GRM1: variants seen among roughly 807,000 people sequenced by gnomAD.
The protein encoded by GRM1 is metabotropic glutamate receptor 1.
In GRM1, 33 loss-of-function variants were observed where a neutral mutation model predicts 90.9. The ratio of observed to expected loss-of-function variants is 0.36; its 90% CI spans 0.28 to 0.49. The LOEUF (loss-of-function observed/expected upper bound fraction) is 0.49, where lower values mean the gene tolerates loss of function less well. GRM1 is among the 20% of genes least tolerant of loss of function. GRM1 has a pLI of 0.99. For missense variants in GRM1, 1,190 were observed against 1,534.3 expected, an observed-to-expected ratio of 0.78 and a Z score of 3.75; for synonymous variants, 700 against 613.2, an observed-to-expected ratio of 1.14 and a Z score of -2.09.
chr6:146,172,448 A>G (rs1583109277), intron 2 of GRM1, among the ~76,000 whole-genome samples: 1 of 152,312 alleles, frequency 6.6e-6, no homozygotes, highest in East Asian at 1.9e-4. Flanking sequence ...GAATGTATTC[A>G]CTGGTTCCAG....
intron 3 of GRM1, among the ~76,000 whole-genome samples, chr6:146,328,707 A>G (rs1784483089): frequency 6.6e-6 from 1 of 152,150 alleles, no homozygotes; most frequent in South Asian, 2.1e-4. Flanking sequence ...GATATTTGTC[A>G]TAAGGTTCCC....
chr6:146,078,676 A>G lies in GRM1; in HGVS notation c.700+48459A>G, dbSNP rs751936003. Among the ~76,000 whole-genome samples the G allele has an allele frequency of 2.0e-5, 3 of 152,224 alleles. No individual in the cohort carries two copies. In the South Asian group the frequency reaches 6.2e-4, roughly 31 times the overall value. On this transcript the variant is annotated intron_variant, in intron 1 of 7. Coordinates refer to ENST00000282753, the MANE Select transcript of GRM1 (RefSeq NM_001278064.2). Reference sequence around the variant, plus strand: ...TCTATTATTATTTATAGAATGTTATACAGTATTTAAAATGAATAATTTCAG... The same window carrying G: ...TCTATTATTATTTATAGAATGTTATGCAGTATTTAAAATGAATAATTTCAG...
At chr6:146,408,947 TAAGAG>T (rs1430741546) in intron 7 of GRM1, among the ~76,000 whole-genome samples, 1 of 151,934 alleles carries the variant, frequency 6.6e-6, no homozygotes, top group Non-Finnish European at 1.5e-5. Flanking sequence ...ATGAAGAAAA[TAAGAG>T]AAAAGTCTCA....
intron 5 of GRM1, among the ~76,000 whole-genome samples, chr6:146,362,983 TGGAATTGGAACGTTAAATGTGCCCA>T (rs1165578603): frequency 1.1e-4 from 16 of 152,264 alleles, no homozygotes; most frequent in Non-Finnish European, 1.9e-4. Context: ...TATATTTGGC[TGGAATTGGAACGTTAAATGTGCCCA>T]GGTTTGTGCT....
At chr6:146,319,479 A>C (rs1784092868) in intron 3 of GRM1, among the ~76,000 whole-genome samples, 1 of 152,118 alleles carries the variant, frequency 6.6e-6, no homozygotes, top group African/African-American at 2.4e-5. Context: ...ATGAAATTTA[A>C]AGTAGTTTTT....
rs1460794907 is a variant in GRM1, at chr6:146,436,372, A to C, written c.*1576A>C. 3 of 152,222 alleles carry C rather than the reference A, an allele frequency of 2.0e-5. No individual in the cohort carries two copies. The highest frequency in any genetic ancestry group is 7.2e-5 in the African/African-American group (3 of 41,460). 9.4% of individuals were successfully genotyped at this position (152,222 alleles called of 1,614,324 possible). On this transcript the variant is annotated 3_prime_UTR_variant, in exon 8 of 8. Transcript: ENST00000282753. ...GCACAAAAACTGAGAGTGAAAATAAAAGGTACATTTTATAAGCTTGCACAC... is the reference window on the plus strand; with the variant it reads ...GCACAAAAACTGAGAGTGAAAATAACAGGTACATTTTATAAGCTTGCACAC...
chr6:146,111,885 A>T (rs1224804549), intron 1 of GRM1, among the ~76,000 whole-genome samples: 1 of 152,210 alleles, frequency 6.6e-6, no homozygotes, highest in East Asian at 1.9e-4. Context: ...TAACACTTTA[A>T]CTGTTTAACA....
chr6:146,039,160 G>T (rs747662686), intron 1 of GRM1, among the ~76,000 whole-genome samples: 3 of 151,966 alleles, frequency 2.0e-5, no homozygotes, highest in South Asian at 2.1e-4. Flanking sequence ...TTACTATTCA[G>T]TTTTGCTAAG....
chr6:146,346,350 C>T (rs762496065), intron 3 of GRM1, among the ~76,000 whole-genome samples: 4 of 152,192 alleles, frequency 2.6e-5, no homozygotes, highest in African/African-American at 4.8e-5. Flanking sequence ...TAATAATAAC[C>T]GTGATAATAA....
At chr6:146,176,046 G>A (rs1053866035) in intron 2 of GRM1, among the ~76,000 whole-genome samples, 2 of 151,904 alleles carry the variant, frequency 1.3e-5, no homozygotes, top group Non-Finnish European at 2.9e-5. Context: ...ATCATGATAA[G>A]GGCACAGTTT....
At chr6:146,298,610 T>G (rs1201195565) in intron 2 of GRM1, among the ~76,000 whole-genome samples, 4 of 152,182 alleles carry the variant, frequency 2.6e-5, no homozygotes, top group Non-Finnish European at 5.9e-5. Flanking sequence ...AACAAAATGT[T>G]AAGACTTTTC....
intron 2 of GRM1, among the ~76,000 whole-genome samples, chr6:146,227,522 C>G (rs942707633): frequency 6.6e-6 from 1 of 152,142 alleles, no homozygotes; most frequent in Admixed American, 6.6e-5. Flanking sequence ...TAATCTGTCT[C>G]CAATTTTTGA....
intron 2 of GRM1, among the ~76,000 whole-genome samples, chr6:146,252,147 A>C (rs934213414): frequency 6.6e-6 from 1 of 152,000 alleles, no homozygotes; most frequent in Non-Finnish European, 1.5e-5. Flanking sequence ...CATTTTATTC[A>C]CTGGTAAAGT....
At chr6:146,348,560 A>G (rs1785263487) in intron 3 of GRM1, among the ~76,000 whole-genome samples, 1 of 152,224 alleles carries the variant, frequency 6.6e-6, no homozygotes, top group Non-Finnish European at 1.5e-5. Context: ...TCAGATGGAC[A>G]CAAACACACA....
intron 2 of GRM1, among the ~76,000 whole-genome samples, chr6:146,242,858 C>T (rs1780917955): frequency 6.6e-6 from 1 of 152,144 alleles, no homozygotes; most frequent in African/African-American, 2.4e-5. Flanking sequence ...ATGATTCCAT[C>T]TGAGATATAG....
chr6:146,120,127 T>C (rs1159971919), intron 1 of GRM1, among the ~76,000 whole-genome samples: 1 of 152,224 alleles, frequency 6.6e-6, no homozygotes, highest in African/African-American at 2.4e-5. Context: ...GGAGTAGTGC[T>C]TTGTAGTTCT....
intron 2 of GRM1, among the ~76,000 whole-genome samples, chr6:146,232,986 G>A (rs1323517557): frequency 1.3e-5 from 2 of 151,700 alleles, no homozygotes; most frequent in African/African-American, 4.8e-5. Context: ...TATTCTTGGT[G>A]GTGGTATTCT....
At chr6:146,344,266 A>G (rs937461496) in intron 3 of GRM1, among the ~76,000 whole-genome samples, 5 of 152,182 alleles carry the variant, frequency 3.3e-5, no homozygotes, top group African/African-American at 1.2e-4. Context: ...CGCATACCCC[A>G]TGAGAGACAA....
At chr6:146,181,239 T>TAAA (rs11373832) in intron 2 of GRM1, among the ~76,000 whole-genome samples, 2 of 145,920 alleles carry the variant, frequency 1.4e-5, no homozygotes, top group African/African-American at 2.5e-5. Context: ...TTGCCACCTT[T>TAAA]AAAAAAAAAA....
Sources: gnomAD v4.1 joint callset for allele counts (sites outside exome capture counted in the v4.1 genomes callset) on GRCh38, gnomAD v4.1.1 for gene constraint, MANE v1.5 for transcripts, NCBI Gene and HGNC (gene_info 2026-07-23, HGNC 2026-07-21) for gene names.